The following KCNJ1 variants were observed in gnomAD, a reference collection of about 807,000 sequenced individuals.
KCNJ1 encodes the protein potassium inwardly rectifying channel subfamily J member 1.
KCNJ1 carries 24 observed loss-of-function variants against 21.9 expected under a neutral mutation model. The observed-to-expected ratio is 1.10, with a 90% confidence interval of 0.79 to 1.54. KCNJ1 has a LOEUF of 1.54. Among genes scored for constraint, KCNJ1 ranks in the 40% most tolerant of loss-of-function variants. The pLI, the probability that KCNJ1 is intolerant of heterozygous loss-of-function variation, is 0.00. For synonymous variants in KCNJ1, 152 were observed against 160.9 expected (o/e 0.94, Z 0.42); for missense variants, 457 against 455.4 (o/e 1.00, Z -0.03).
intron 1 of KCNJ1, among the ~76,000 whole-genome samples, chr11:128,863,801 C>G (rs1469298716): frequency 2.0e-5 from 3 of 152,130 alleles, no homozygotes; most frequent in Non-Finnish European, 4.4e-5. Flanking sequence ...GCGACCTGTT[C>G]TCTGCACTAT....
At chr11:128,859,573 C>A (rs1273247966) in intron 1 of KCNJ1, among the ~76,000 whole-genome samples, 3 of 152,230 alleles carry the variant, frequency 2.0e-5, no homozygotes, top group African/African-American at 7.2e-5. Flanking sequence ...AACCTGATGT[C>A]TCCACGCCAA....
chr11:128,860,904 C>T (rs533454326), intron 1 of KCNJ1, among the ~76,000 whole-genome samples: 2 of 152,276 alleles, frequency 1.3e-5, no homozygotes, highest in East Asian at 1.9e-4. Flanking sequence ...ATCATGTCGC[C>T]GGGGCCTGCC....
intron 1 of KCNJ1, among the ~76,000 whole-genome samples, chr11:128,863,617 G>A (rs1337508019): frequency 6.6e-6 from 1 of 152,194 alleles, no homozygotes; most frequent in Non-Finnish European, 1.5e-5. Context: ...CAATGAGTGA[G>A]CTGGATTTGA....
At position 128,846,387 on chromosome 11, in the gene KCNJ1, C is replaced by A. The variant is rs368631551; in HGVS notation, c.-22+4334G>T. Among the ~76,000 whole-genome samples the A allele has an allele frequency of 4.8e-4, 73 of 152,132 alleles. 1 individual carries two copies. The highest frequency in any genetic ancestry group is 1.6e-3 in the African/African-American group (65 of 41,422). On this transcript the variant is annotated intron_variant, in intron 2 of 2. Coordinates refer to ENST00000392666, the MANE Select transcript of KCNJ1 (RefSeq NM_153766.3). ...ATTATTATAACTGGTTCCCAAATTT[C>A]AAACTAGCATGGCAGTTTAATCAGG...
intron 1 of KCNJ1, among the ~76,000 whole-genome samples, chr11:128,860,086 G>T (rs1455710861): frequency 6.6e-6 from 1 of 152,236 alleles, no homozygotes; most frequent in Non-Finnish European, 1.5e-5. Context: ...TCAGAAGGGC[G>T]CCCGGAAGGA....
At chr11:128,861,620 GA>G (rs1943709292) in intron 1 of KCNJ1, among the ~76,000 whole-genome samples, 1 of 152,182 alleles carries the variant, frequency 6.6e-6, no homozygotes, top group Non-Finnish European at 1.5e-5. Flanking sequence ...TGCAGAGCGG[GA>G]TAACTGGGGC....
At chr11:128,859,222 A>G (rs576093423) in intron 1 of KCNJ1, among the ~76,000 whole-genome samples, 1 of 152,340 alleles carries the variant, frequency 6.6e-6, no homozygotes, top group Admixed American at 6.5e-5. Context: ...GGTTTAGAGA[A>G]TTTTAAAAAC....
chr11:128,839,067 T>C lies in KCNJ1; in HGVS notation c.*58A>G. The C allele has an allele frequency of 6.8e-7, 1 of 1,465,898 alleles. No homozygotes were observed. The highest frequency in any genetic ancestry group is 9.5e-7 in the Non-Finnish European group (1 of 1,054,860). 90.8% of individuals were successfully genotyped at this position (1,465,898 alleles called of 1,614,324 possible). A position where few individuals can be genotyped will look rare whatever the true frequency, so the allele number is the denominator to read the frequency against. On this transcript the variant is annotated 3_prime_UTR_variant, in exon 3 of 3. Coordinates refer to ENST00000392666, the MANE Select transcript of KCNJ1 (RefSeq NM_153766.3). ...CCCTAAATTGTTGACTGCTTCATAATGCTTCTAGGTACTAGGAGCTTTAGA... is the reference window on the plus strand; with the variant it reads ...CCCTAAATTGTTGACTGCTTCATAACGCTTCTAGGTACTAGGAGCTTTAGA...
At chr11:128,858,373 A>C (rs1302894476) in intron 1 of KCNJ1, among the ~76,000 whole-genome samples, 3 of 152,102 alleles carry the variant, frequency 2.0e-5, no homozygotes. Context: ...TTAAATGTCA[A>C]CTCTGCACCA....
chr11:128,839,259 C>T lies in KCNJ1; in HGVS notation c.985G>A (p.Val329Met), dbSNP rs1448146914. 6.2e-7 allele frequency: 1 copy of T among 1,614,202 alleles called. No homozygotes were observed. Among genetic ancestry groups the T allele is most frequent in the Non-Finnish European group, 8.5e-7 (1 of 1,180,028 alleles). ...RVDFHNFSKT[V>M]EVETPHCAMC... ...GCACAGTGAGGGGTCTCCACTTCCA[C>T]TGTCTTGCTAAAGTTATGGAAATCC... is the stretch of plus-strand genomic sequence containing the variant. Residue 329 changes from valine to methionine, a missense_variant, in exon 3 of 3, where the codon GTG becomes ATG. Transcript: ENST00000392666.
chr11:128,843,640 G>A (rs143077598), intron 2 of KCNJ1, among the ~76,000 whole-genome samples: 3 of 152,260 alleles, frequency 2.0e-5, no homozygotes, highest in Admixed American at 6.5e-5. Context: ...AACCACAACC[G>A]AGCATGGTTG....
Position 128,840,230 on chromosome 11 carries a change from A to G in KCNJ1, c.14T>C (p.Leu5Pro). Reference protein sequence around the residue: MFKHLRKWVVTRFFG... With the variant: MFKHPRKWVVTRFFG... ...AAAGCGAGTGACGACCCATTTCCGA[A>G]GATGTTTGAACATACTTTCTGTCAA... The change falls in exon 3 of 3, where the codon CTT (leucine) becomes CCT (proline). Residue 5 changes from leucine (L) to proline (P), a missense_variant. By Grantham distance (98) the Leu-to-Pro change is moderately conservative. Coordinates refer to ENST00000392666, the MANE Select transcript of KCNJ1 (RefSeq NM_153766.3). 6.2e-7 allele frequency: 1 copy of G among 1,614,188 alleles called. No individual in the cohort carries two copies. The highest frequency in any genetic ancestry group is 8.5e-7 in the Non-Finnish European group (1 of 1,180,028).
intron 1 of KCNJ1, among the ~76,000 whole-genome samples, chr11:128,855,080 G>A (rs966363432): frequency 6.6e-6 from 1 of 152,170 alleles, no homozygotes; most frequent in African/African-American, 2.4e-5. Context: ...CAATGTAATC[G>A]ATTAAGCCTG....
intron 2 of KCNJ1, 100 bp downstream of exon 2, chr11:128,850,621 A>T: frequency 2.3e-6 from 1 of 428,878 alleles, no homozygotes; most frequent in Non-Finnish European, 3.1e-6. Flanking sequence ...ACTAGGTCCC[A>T]CAGCCTTTGC....
At chr11:128,864,782 T>C (rs1943787769) in intron 1 of KCNJ1, among the ~76,000 whole-genome samples, 1 of 152,090 alleles carries the variant, frequency 6.6e-6, no homozygotes, top group East Asian at 1.9e-4. Flanking sequence ...TCCTCGCCTG[T>C]CCCCATCACT....
chr11:128,862,188 C>G (rs1301506026), intron 1 of KCNJ1, among the ~76,000 whole-genome samples: 1 of 152,170 alleles, frequency 6.6e-6, no homozygotes, highest in Non-Finnish European at 1.5e-5. Flanking sequence ...AAACACCCAG[C>G]CAAAGGAGCA....
chr11:128,848,455 G>A lies in KCNJ1; in HGVS notation c.-22+2266C>T, dbSNP rs577014037. Among the ~76,000 whole-genome samples, 70 of 152,148 alleles carry A rather than the reference G, an allele frequency of 4.6e-4. 1 individual carries two copies. The highest frequency in any genetic ancestry group is 8.4e-4 in the Non-Finnish European group (57 of 68,002). On this transcript the variant is annotated intron_variant, in intron 2 of 2. Coordinates refer to ENST00000392666, the MANE Select transcript of KCNJ1 (RefSeq NM_153766.3). ...AATCCTCCTCCCTCAGCCTCCCAAA[G>A]TGCTGAGATTACGGGTGTGAGCCAC...
In KCNJ1 at chr11:128,848,037, C is replaced by T. The variant is rs1464301548; in HGVS notation, c.-22+2684G>A. 2.0e-5 allele frequency among the ~76,000 whole-genome samples: 3 copies of T among 151,906 alleles called. No homozygotes were observed. The East Asian group carries it at 5.8e-4, about 30-fold the overall frequency. ...GGCCCAGTGGCTCACGCCTGTAATC[C>T]CAGCACTTTGGGAGGCCGAGGTGGG... On this transcript the variant is annotated intron_variant, in intron 2 of 2. Transcript: ENST00000392666.
chr11:128,847,283 C>T (rs1943398432), intron 2 of KCNJ1, among the ~76,000 whole-genome samples: 1 of 152,166 alleles, frequency 6.6e-6, no homozygotes, highest in South Asian at 2.1e-4. Context: ...TGCAAAAAGT[C>T]CAACTTGCTC....
Sources: allele counts gnomAD v4.1 joint callset (sites outside exome capture counted in the v4.1 genomes callset), GRCh38; gene constraint gnomAD v4.1.1; transcripts MANE v1.5; gene names NCBI Gene and HGNC (gene_info 2026-07-23, HGNC 2026-07-21).